CSMD1: variants seen among roughly 807,000 people sequenced by gnomAD.
CSMD1 encodes the protein CUB and sushi domain-containing protein 1.
In CSMD1, 213 loss-of-function variants were observed where a neutral mutation model predicts 417.5. The observed-to-expected ratio is 0.51, with a 90% confidence interval of 0.46 to 0.57. The LOEUF (loss-of-function observed/expected upper bound fraction) is 0.57. Among genes scored for constraint, CSMD1 ranks in the 20% least tolerant of loss-of-function variants. The pLI is 0.00. For synonymous variants in CSMD1, 2,862 were observed against 1,736.8 expected, an observed-to-expected ratio of 1.65 and a Z score of -16.11; for missense variants, 6,923 against 4,529.7, an observed-to-expected ratio of 1.53 and a Z score of -15.17.
At chr8:3,448,201 G>T (rs998247425) in intron 12 of CSMD1, among the ~76,000 whole-genome samples, 2 of 149,610 alleles carry the variant, frequency 1.3e-5, no homozygotes, top group African/African-American at 2.5e-5. Context: ...TAAAAAGCCT[G>T]TCTGTGTTTC....
intron 3 of CSMD1, among the ~76,000 whole-genome samples, chr8:4,222,905 G>C (rs1204429864): frequency 6.6e-6 from 1 of 152,038 alleles, no homozygotes; most frequent in African/African-American, 2.4e-5. Flanking sequence ...GCAAGTGAAA[G>C]TTATGCAAAG....
intron 12 of CSMD1, among the ~76,000 whole-genome samples, chr8:3,458,808 G>C (rs991407407): frequency 6.6e-6 from 1 of 152,166 alleles, no homozygotes; most frequent in South Asian, 2.1e-4. Flanking sequence ...CAATGGTCTG[G>C]AGAAACAGGA....
At chr8:4,829,890 T>C (rs145018636) in intron 1 of CSMD1, among the ~76,000 whole-genome samples, 10 of 152,092 alleles carry the variant, frequency 6.6e-5, no homozygotes, top group Non-Finnish European at 1.5e-4. Context: ...TTTGAATGAG[T>C]CCTTATAGGT....
intron 3 of CSMD1, among the ~76,000 whole-genome samples, chr8:4,122,167 T>G (rs1802521550): frequency 6.6e-6 from 1 of 152,296 alleles, no homozygotes; most frequent in African/African-American, 2.4e-5. Context: ...CCTGACAGAC[T>G]TGATAAGAAT....
intron 3 of CSMD1, among the ~76,000 whole-genome samples, chr8:4,333,180 T>G (rs1164455933): frequency 1.3e-5 from 2 of 152,080 alleles, no homozygotes; most frequent in African/African-American, 2.4e-5. Context: ...CTTCGCAAGT[T>G]GGGATATCAT....
intron 6 of CSMD1, among the ~76,000 whole-genome samples, chr8:3,745,954 G>A (rs1410167229): frequency 1.3e-5 from 2 of 152,198 alleles, no homozygotes; most frequent in African/African-American, 2.4e-5. Context: ...CAGACTTCAT[G>A]ACCAGTTGGT....
At chr8:4,939,404 C>G (rs1159287061) in intron 1 of CSMD1, among the ~76,000 whole-genome samples, 1 of 152,148 alleles carries the variant, frequency 6.6e-6, no homozygotes, top group Non-Finnish European at 1.5e-5. Flanking sequence ...ACCTCAGTGA[C>G]CCTCAACAGG....
rs889991 is a variant in CSMD1 at position 4,195,093 on chromosome 8, A to G, written c.416-162994T>C. Among the ~76,000 whole-genome samples, 858 of 152,334 alleles carry G rather than the reference A, an allele frequency of 5.6e-3. 5 individuals are homozygous for G. Among genetic ancestry groups the G allele is most frequent in the African/African-American group, 0.019 (792 of 41,562 alleles). On this transcript the variant is annotated intron_variant, in intron 3 of 69. Coordinates refer to ENST00000635120, the MANE Select transcript of CSMD1 (RefSeq NM_033225.6). ...TTACGCCTAGAATTCTGCCCATGAAATTGGAAACAGAAACCAGATGAAACA... is the reference window on the plus strand; with the variant it reads ...TTACGCCTAGAATTCTGCCCATGAAGTTGGAAACAGAAACCAGATGAAACA...
intron 3 of CSMD1, among the ~76,000 whole-genome samples, chr8:4,156,264 T>C (rs1273027859): frequency 2.0e-5 from 3 of 152,274 alleles, no homozygotes; most frequent in East Asian, 1.9e-4. Flanking sequence ...TTTTTAATTA[T>C]GGCTAAAGAG....
intron 3 of CSMD1, among the ~76,000 whole-genome samples, chr8:4,306,310 C>T (rs751677936): frequency 3.9e-4 from 60 of 152,166 alleles, no homozygotes; most frequent in Non-Finnish European, 6.9e-4. Flanking sequence ...TATAACAGCC[C>T]AGCTCGATCC....
intron 54 of CSMD1, among the ~76,000 whole-genome samples, chr8:2,997,734 A>G (rs1807033799): frequency 1.3e-5 from 2 of 152,246 alleles, no homozygotes; most frequent in African/African-American, 4.8e-5. Flanking sequence ...GTAGAAATAA[A>G]TGTGTAAATA....
chr8:3,993,792 C>T (rs1197380144), intron 5 of CSMD1, among the ~76,000 whole-genome samples: 2 of 152,222 alleles, frequency 1.3e-5, no homozygotes, highest in African/African-American at 4.8e-5. Flanking sequence ...GGAGATCACA[C>T]AACCTGTTTG....
intron 8 of CSMD1, among the ~76,000 whole-genome samples, chr8:3,609,574 G>C (rs929141987): frequency 6.6e-6 from 1 of 151,974 alleles, no homozygotes; most frequent in Non-Finnish European, 1.5e-5. Flanking sequence ...GAAACCAGAT[G>C]AGGAATATTT....
chr8:4,427,264 A>C (rs1307677100), intron 2 of CSMD1, among the ~76,000 whole-genome samples: 1 of 152,180 alleles, frequency 6.6e-6, no homozygotes, highest in Non-Finnish European at 1.5e-5. Context: ...CCAAGAGATC[A>C]CTTGAGTTAT....
At chr8:4,274,316 G>A (rs77178271) in intron 3 of CSMD1, among the ~76,000 whole-genome samples, 3 of 152,088 alleles carry the variant, frequency 2.0e-5, no homozygotes, top group Non-Finnish European at 2.9e-5. Context: ...ACTGGCATAC[G>A]TGGGGAGGAA....
At chr8:3,321,535 C>G (rs184765098) in intron 23 of CSMD1, among the ~76,000 whole-genome samples, 2 of 152,136 alleles carry the variant, frequency 1.3e-5, no homozygotes, top group African/African-American at 4.8e-5. Flanking sequence ...GCAAATACCC[C>G]ATTACTTCGT....
chr8:4,228,494 T>C (rs1376281932), intron 3 of CSMD1, among the ~76,000 whole-genome samples: 5 of 151,624 alleles, frequency 3.3e-5, no homozygotes, highest in Non-Finnish European at 1.5e-5. Context: ...CTCCCCCAAC[T>C]GTCTCTGGTC....
chr8:3,402,087 C>T (rs35531297), intron 15 of CSMD1, among the ~76,000 whole-genome samples: 1,853 of 151,782 alleles, frequency 0.012, 47 homozygotes, highest in East Asian at 0.095. Context: ...TTTATTAGAA[C>T]AATCTCATTG....
chr8:3,424,205 A>G (rs1050148084), intron 12 of CSMD1, among the ~76,000 whole-genome samples: 2 of 152,222 alleles, frequency 1.3e-5, no homozygotes, highest in Non-Finnish European at 2.9e-5. Flanking sequence ...TAGTACAGGA[A>G]GCTCATTTGT....
Sources: allele counts gnomAD v4.1 joint callset (sites outside exome capture counted in the v4.1 genomes callset), GRCh38; gene constraint gnomAD v4.1.1; transcripts MANE v1.5; gene names NCBI Gene and HGNC (gene_info 2026-07-23, HGNC 2026-07-21).